The following LMLN variants were observed in gnomAD, a reference collection of about 807,000 sequenced individuals.
LMLN encodes leishmanolysin-like peptidase.
In LMLN, 70 loss-of-function variants were observed where a neutral mutation model predicts 92.3. The observed-to-expected ratio is 0.76, with a 90% CI of 0.63 to 0.92. The LOEUF (loss-of-function observed/expected upper bound fraction) is 0.92, where lower values mean the gene tolerates loss of function less well. LMLN is among the 40% of genes least tolerant of loss of function. LMLN has a pLI of 0.00. For synonymous variants in LMLN, 308 were observed against 296.2 expected, an observed-to-expected ratio of 1.04 and a Z score of -0.41; for missense variants, 691 against 814.6, an observed-to-expected ratio of 0.85 and a Z score of 1.85.
chr3:197,990,328 G>A (rs1235900236), intron 8 of LMLN, among the ~76,000 whole-genome samples: 1 of 152,052 alleles, frequency 6.6e-6, no homozygotes, highest in African/African-American at 2.4e-5. Context: ...CTGCTGAGGT[G>A]CTGGGATTAC....
At chr3:197,974,204 G>A (rs975176687) in intron 1 of LMLN, among the ~76,000 whole-genome samples, 173 bp from the exon 2 acceptor site, 2 of 152,218 alleles carry the variant, frequency 1.3e-5, no homozygotes, top group Non-Finnish European at 2.9e-5. Context: ...CCAAATGGCA[G>A]CCCTTGCTTG....
At chr3:197,968,574 T>G (rs1394835011) in intron 1 of LMLN, among the ~76,000 whole-genome samples, 1 of 151,990 alleles carries the variant, frequency 6.6e-6, no homozygotes, top group Non-Finnish European at 1.5e-5. Context: ...ATTATAAAAG[T>G]ATTAATTTTG....
chr3:198,014,161 T>C (rs181979320), intron 11 of LMLN, among the ~76,000 whole-genome samples: 193 of 148,356 alleles, frequency 1.3e-3, no homozygotes, highest in African/African-American at 4.7e-3. Flanking sequence ...GTCTGACTTC[T>C]CTGTACCCTT....
chr3:197,976,374 T>C (rs1053380235), intron 4 of LMLN: 12 of 485,754 alleles, frequency 2.5e-5, no homozygotes, highest in Non-Finnish European at 4.1e-5. Flanking sequence ...TTTCCCTCTT[T>C]CATGTGGATA....
exon 10 of LMLN, chr3:197,996,281 A>G: frequency 1.3e-6 from 2 of 1,543,002 alleles, no homozygotes; most frequent in Non-Finnish European, 1.8e-6. Flanking sequence ...AGGTTATTAG[A>G]GGTCAGTTTG....
At chr3:197,960,381 A>G (rs114780577) in exon 1 of LMLN, 2 of 1,613,150 alleles carry the variant, frequency 1.2e-6, no homozygotes, top group African/African-American at 2.7e-5. Context: ...CGCCACATCT[A>G]CTCCCGTCTC....
chr3:197,995,532 A>T (rs1413188100), intron 9 of LMLN, among the ~76,000 whole-genome samples: 1 of 152,114 alleles, frequency 6.6e-6, no homozygotes, highest in Non-Finnish European at 1.5e-5. Flanking sequence ...GACATCTAAA[A>T]CTATTGAACC....
intron 13 of LMLN, among the ~76,000 whole-genome samples, chr3:198,024,066 C>G (rs985792072): frequency 6.6e-6 from 1 of 152,134 alleles, no homozygotes; most frequent in Non-Finnish European, 1.5e-5. Context: ...GTCTAGTGAT[C>G]TAACGATTCT....
In LMLN at chr3:198,025,668, C is replaced by T. The variant is rs1722913368; in HGVS notation, c.1656+880C>T. 1.3e-5 allele frequency among the ~76,000 whole-genome samples: 2 copies of T among 152,192 alleles called. No individual in the cohort carries two copies. The highest frequency in any genetic ancestry group is 2.9e-5 in the Non-Finnish European group (2 of 68,036). The stretch of plus-strand genomic sequence containing the variant: ...TATAGATGGCGGCCACCATGCCTCG[C>T]CTACTATTTCCTTAATTATCTTATT... On this transcript the variant is annotated intron_variant, in intron 14 of 15. Transcript: ENST00000330198. The surrounding 1 kb of genome is among the most constrained non-coding windows in gnomAD (Gnocchi z 4.3).
At chr3:198,035,198 C>CT (rs1174329196) in intron 14 of LMLN, among the ~76,000 whole-genome samples, 2 of 101,920 alleles carry the variant, frequency 2.0e-5, no homozygotes, top group African/African-American at 1.1e-4. Flanking sequence ...AAGACCCCAT[C>CT]TCAAAAAAAA....
At chr3:197,982,226 T>C (rs56190967) in intron 6 of LMLN, among the ~76,000 whole-genome samples, 216 of 147,138 alleles carry the variant, frequency 1.5e-3, no homozygotes, top group African/African-American at 4.9e-3. Flanking sequence ...TTACCTTCTT[T>C]TTTTTTTTTT....
chr3:198,002,495 T>C (rs1222084737), intron 11 of LMLN, among the ~76,000 whole-genome samples: 13 of 152,236 alleles, frequency 8.5e-5, no homozygotes, highest in Admixed American at 5.9e-4. Context: ...CCCAGCACTT[T>C]GGCAGGCCAA....
At chr3:197,975,053 A>C (rs769251626) in exon 3 of LMLN, 1 of 1,488,240 alleles carries the variant, frequency 6.7e-7, no homozygotes. Context: ...TTGCTCCCTG[A>C]GAAAAAGAAT....
In LMLN at chr3:198,019,387, T is replaced by C; in HGVS notation, c.1365+2T>C. 6.2e-7 allele frequency: 1 copy of C among 1,612,930 alleles called. No homozygotes were observed. The highest frequency in any genetic ancestry group is 8.5e-7 in the Non-Finnish European group (1 of 1,179,748). On this transcript the variant is annotated splice_donor_variant, in intron 12 of 15. Coordinates refer to ENST00000330198, the Ensembl canonical transcript of LMLN. LOFTEE classifies it high-confidence loss of function. This position sits in a 1 kb window ranked among gnomAD's most constrained non-coding sequence, Gnocchi z 5.5. ...AAGCCTTTACCACAGGAATACCAGG[T>C]AGAACAGGGCTGGGGCACAGTTTCA...
At chr3:197,989,498 TAA>T (rs965201530) in intron 8 of LMLN, among the ~76,000 whole-genome samples, 1 of 152,246 alleles carries the variant, frequency 6.6e-6, no homozygotes, top group Non-Finnish European at 1.5e-5. Context: ...ACTTTCCCAC[TAA>T]ATTAATATGG....
chr3:197,972,852 A>C lies in LMLN; in HGVS notation c.220-1525A>C, dbSNP rs577066928. 2.0e-5 allele frequency among the ~76,000 whole-genome samples: 3 copies of C among 152,250 alleles called. No individual in the cohort carries two copies. The East Asian group carries it at 5.8e-4, about 29-fold the overall frequency. On this transcript the variant is annotated intron_variant, in intron 1 of 15. Transcript: ENST00000330198. ...AGCCAAGGAATTTAGTGGTCAGTCA[A>C]ATATTTGACTGGGTTTCATATGCAG...
rs1220198421 is a variant in LMLN at position 198,021,614 on chromosome 3, G to A, written c.1525+9G>A. Reference sequence around the variant, plus strand: ...ATTGGAAAATCAACCAGGTTAGTCGGCTAGTGAAATGAAGTATTATATACA... The same window carrying A: ...ATTGGAAAATCAACCAGGTTAGTCGACTAGTGAAATGAAGTATTATATACA... On this transcript the variant is annotated intron_variant, in intron 13 of 15. Coordinates refer to ENST00000330198, the Ensembl canonical transcript of LMLN. The A allele has an allele frequency of 1.9e-6, 3 of 1,611,858 alleles. No individual in the cohort carries two copies. In the South Asian group the frequency reaches 3.3e-5, roughly 18 times the overall value.
chr3:197,973,225 C>T (rs965172917), intron 1 of LMLN, among the ~76,000 whole-genome samples: 1 of 151,518 alleles, frequency 6.6e-6, no homozygotes, highest in East Asian at 1.9e-4. Context: ...TATCCATTTG[C>T]TGTGCTCAGA....
At chr3:198,027,426 G>C (rs1002643582) in intron 14 of LMLN, among the ~76,000 whole-genome samples, 7 of 152,004 alleles carry the variant, frequency 4.6e-5, no homozygotes, top group Admixed American at 2.6e-4. Context: ...TACGTGTATA[G>C]TTAAGTGGCA....
Sources: gnomAD v4.1 joint callset for allele counts (sites outside exome capture counted in the v4.1 genomes callset) on GRCh38, gnomAD v4.1.1 for gene constraint, Gnocchi (gnomAD v3.1) non-coding constraint, MANE v1.5 for transcripts, NCBI Gene and HGNC (gene_info 2026-07-23, HGNC 2026-07-21) for gene names.